AMMECR1: variants seen among roughly 807,000 people sequenced by gnomAD.
AMMECR1 encodes the protein AMMECR nuclear protein 1.
AMMECR1 carries 3 observed loss-of-function variants against 22.5 expected under a neutral mutation model. The ratio of observed to expected loss-of-function variants is 0.13; its 90% CI spans 0.06 to 0.35. The LOEUF (loss-of-function observed/expected upper bound fraction) is 0.35, where lower values mean the gene tolerates loss of function less well. Ranked by LOEUF, AMMECR1 falls within the 10% of genes least tolerant of loss-of-function variation. The pLI is 1.00. For missense variants in AMMECR1, 235 were observed against 278.7 expected (o/e 0.84, Z 1.12); for synonymous variants, 130 against 116.7 (o/e 1.11, Z -0.74).
intron 2 of AMMECR1, among the ~76,000 whole-genome samples, chrX:110,336,182 C>T (rs1208881762): frequency 3.6e-5 from 4 of 111,627 alleles, no homozygotes; most frequent in Non-Finnish European, 7.5e-5. Flanking sequence ...CAAGGATTGG[C>T]AAATTACCAT....
upstream of AMMECR1, among the ~76,000 whole-genome samples, chrX:110,321,787 A>G (rs2068079812): frequency 9.0e-6 from 1 of 111,515 alleles, no homozygotes; most frequent in South Asian, 3.8e-4. Flanking sequence ...TGTTATTTTT[A>G]TCCTCTGTCA....
rs771925922 is a variant in AMMECR1 at position 110,242,795 on chromosome X, T to C, written c.584+21694A>G. 2.5e-4 allele frequency among the ~76,000 whole-genome samples: 28 copies of C among 112,414 alleles called. No homozygotes were observed. The South Asian group carries it at 0.01, about 41-fold the overall frequency. On this transcript the variant is annotated intron_variant, in intron 2 of 5. Coordinates refer to ENST00000262844, the MANE Select transcript of AMMECR1 (RefSeq NM_015365.3). Reference sequence around the variant, plus strand: ...AGAATATTATACAAGTTATAATCCATACTGGGATAAAACTAAGCATTGACT... The same window carrying C: ...AGAATATTATACAAGTTATAATCCACACTGGGATAAAACTAAGCATTGACT...
chrX:110,437,445 A>G (rs1379770337), intron 1 of AMMECR1, among the ~76,000 whole-genome samples: 1 of 112,063 alleles, frequency 8.9e-6, no homozygotes, highest in Admixed American at 9.4e-5. Context: ...TGAGGTTTAG[A>G]TAGGTTATAC....
At chrX:110,343,950 A>C (rs1396288935) in intron 2 of AMMECR1, among the ~76,000 whole-genome samples, 1 of 111,884 alleles carries the variant, frequency 8.9e-6, no homozygotes, top group Non-Finnish European at 1.9e-5. Context: ...TGCCATCCCC[A>C]TCAAGCTACC....
chrX:110,202,468 T>C lies in AMMECR1; in HGVS notation c.768A>G (p.Leu256=). 8.3e-7 allele frequency: 1 copy of C among 1,206,716 alleles called. No individual in the cohort carries two copies. The highest frequency in any genetic ancestry group is 1.1e-6 in the Non-Finnish European group (1 of 891,320). The change falls in exon 4 of 6, where the codon CTA becomes CTG. Residue 256 remains leucine (L), a synonymous_variant. Transcript: ENST00000262844. ...EKGSKRTATY[L]PEVAKEQGWD... ...GACCTTGCTCCTTTGCAACCTCCGG[T>C]AGGTAGGTGGCGGTGCGTTTTGATC...
chrX:110,282,898 C>G (rs377065375), intron 1 of AMMECR1, among the ~76,000 whole-genome samples: 1 of 111,703 alleles, frequency 9.0e-6, no homozygotes, highest in African/African-American at 3.3e-5. Flanking sequence ...GATTGGTTTA[C>G]TTGCCCAAGA....
At chrX:110,437,349 A>G (rs2068846241) in intron 1 of AMMECR1, among the ~76,000 whole-genome samples, 1 of 112,158 alleles carries the variant, frequency 8.9e-6, no homozygotes, top group Admixed American at 9.4e-5. Flanking sequence ...TTTGTACTGG[A>G]CACTGTACTG....
intron 2 of AMMECR1, among the ~76,000 whole-genome samples, chrX:110,377,023 T>C (rs902292219): frequency 1.1e-4 from 12 of 111,467 alleles, no homozygotes; most frequent in African/African-American, 3.6e-4. Flanking sequence ...AGCACTGCAG[T>C]AGTGGTAGGC....
At chrX:110,277,132 T>C (rs1028019780) in intron 1 of AMMECR1, among the ~76,000 whole-genome samples, 3 of 111,339 alleles carry the variant, frequency 2.7e-5, no homozygotes, top group Non-Finnish European at 5.6e-5. Context: ...GAGCAAGTCT[T>C]GCACCAGTTA....
At chrX:110,385,509 C>A (rs1418272404) in intron 2 of AMMECR1, among the ~76,000 whole-genome samples, 1 of 111,466 alleles carries the variant, frequency 9.0e-6, no homozygotes, top group East Asian at 2.8e-4. Context: ...CCGTTTCCAT[C>A]CCTGAAGCTC....
At chrX:110,367,813 AATTT>A (rs1460840372) in intron 2 of AMMECR1, among the ~76,000 whole-genome samples, 3 of 109,250 alleles carry the variant, frequency 2.7e-5, no homozygotes, top group African/African-American at 1.0e-4. Flanking sequence ...AATAGTTAAA[AATTT>A]ATTTGTTTAG....
At chrX:110,350,814 T>TA (rs778440498) in intron 2 of AMMECR1, among the ~76,000 whole-genome samples, 5 of 107,841 alleles carry the variant, frequency 4.6e-5, no homozygotes, top group South Asian at 4.2e-4. Context: ...CAAATAATAA[T>TA]AAAAAAAATT....
chrX:110,225,874 T>C (rs192823918), intron 2 of AMMECR1, among the ~76,000 whole-genome samples: 1 of 111,922 alleles, frequency 8.9e-6, no homozygotes, highest in East Asian at 2.8e-4. Context: ...CTCACACTTT[T>C]CTCGGGATCC....
At chrX:110,429,487 G>GTTTTTTTTTTTT (rs2068781307) in intron 1 of AMMECR1, among the ~76,000 whole-genome samples, 1 of 92,472 alleles carries the variant, frequency 1.1e-5, no homozygotes, top group Admixed American at 1.2e-4. Context: ...TTGTTTTTTT[G>GTTTTTTTTTTTT]GTTTTTTTGT....
chrX:110,381,471 G>T (rs985558818), intron 2 of AMMECR1, among the ~76,000 whole-genome samples: 3 of 111,779 alleles, frequency 2.7e-5, no homozygotes, highest in African/African-American at 9.8e-5. Context: ...ATACATTGCT[G>T]GTGGCAATGT....
At chrX:110,395,520 A>C (rs2068522675) in intron 2 of AMMECR1, among the ~76,000 whole-genome samples, 1 of 112,645 alleles carries the variant, frequency 8.9e-6, no homozygotes, top group East Asian at 2.8e-4. Flanking sequence ...ACGATTTAAC[A>C]GAAGAGGATA....
intron 2 of AMMECR1, among the ~76,000 whole-genome samples, chrX:110,220,149 G>A (rs1474153481): frequency 8.9e-6 from 1 of 111,980 alleles, no homozygotes; most frequent in East Asian, 2.8e-4. Context: ...ACTTACTCAA[G>A]GTGACTCAGC....
At chrX:110,347,208 C>T (rs41309508) in intron 2 of AMMECR1, among the ~76,000 whole-genome samples, 1,608 of 113,528 alleles carry the variant, frequency 0.014, 23 homozygotes, top group Middle Eastern at 0.027. Flanking sequence ...AAAACTGCCA[C>T]TGAATCTTAC....
intron 2 of AMMECR1, among the ~76,000 whole-genome samples, chrX:110,244,432 A>G (rs2067648379): frequency 8.9e-6 from 1 of 111,777 alleles, no homozygotes; most frequent in South Asian, 3.8e-4. Flanking sequence ...TGCATAATGA[A>G]TATCTTCTCC....
Sources: allele counts gnomAD v4.1 joint callset (sites outside exome capture counted in the v4.1 genomes callset), GRCh38; gene constraint gnomAD v4.1.1; transcripts MANE v1.5; gene names NCBI Gene and HGNC (gene_info 2026-07-23, HGNC 2026-07-21).